Variants in VIPR2 observed in about 807,000 individuals in gnomAD.
VIPR2 encodes the protein vasoactive intestinal peptide receptor 2, also known as vasoactive intestinal polypeptide receptor 2.
In VIPR2, 48 loss-of-function variants were observed where a neutral mutation model predicts 58.0. The observed-to-expected ratio is 0.83, with a 90% CI of 0.66 to 1.05. VIPR2 has a LOEUF of 1.05. Ranked by LOEUF, VIPR2 falls within the 50% of genes least tolerant of loss-of-function variation. The pLI is 0.00. For missense variants in VIPR2, 534 were observed against 558.0 expected, an observed-to-expected ratio of 0.96 and a Z score of 0.43; for synonymous variants, 243 against 235.2, an observed-to-expected ratio of 1.03 and a Z score of -0.30.
At chr7:159,058,255 T>A (rs983559346) in intron 5 of VIPR2, among the ~76,000 whole-genome samples, 2 of 152,250 alleles carry the variant, frequency 1.3e-5, no homozygotes, top group Middle Eastern at 6.3e-3. Context: ...AAATGATAGC[T>A]GAGCTGAGTT....
chr7:159,046,429 G>A (rs1174012531), intron 5 of VIPR2, among the ~76,000 whole-genome samples: 1 of 152,326 alleles, frequency 6.6e-6, no homozygotes, highest in Admixed American at 6.5e-5. Flanking sequence ...AAAACATTAT[G>A]CTAAGTAAAG....
intron 2 of VIPR2, among the ~76,000 whole-genome samples, chr7:159,134,455 C>A (rs1210797721): frequency 6.6e-6 from 1 of 151,958 alleles, no homozygotes. Flanking sequence ...AGCAAGATGA[C>A]TGATTGTTCC....
At chr7:159,032,145 G>GGGGGCAGCTGGGTGTGGGA in intron 10 of VIPR2, 78 bp from the exon 11 acceptor site, 1 of 1,572,030 alleles carries the variant, frequency 6.4e-7, no homozygotes, top group South Asian at 1.2e-5. Flanking sequence ...CTTCTCAGGA[G>GGGGGCAGCTGGGTGTGGGA]GGGGCAGCTG....
chr7:159,133,145 C>T (rs1797047695), intron 2 of VIPR2, among the ~76,000 whole-genome samples: 1 of 152,312 alleles, frequency 6.6e-6, no homozygotes, highest in Non-Finnish European at 1.5e-5. Context: ...CAAATTAAAT[C>T]CTCCACTGAG....
chr7:159,056,558 C>A (rs997726163), intron 5 of VIPR2, among the ~76,000 whole-genome samples: 1 of 152,096 alleles, frequency 6.6e-6, no homozygotes, highest in Non-Finnish European at 1.5e-5. Context: ...GGATGACTCC[C>A]CTACAAAGCT....
intron 2 of VIPR2, among the ~76,000 whole-genome samples, chr7:159,117,626 A>G (rs115520878): frequency 0.013 from 2,051 of 152,194 alleles, 40 homozygotes; most frequent in African/African-American, 0.046. Flanking sequence ...AGATCTTCCC[A>G]TGGTTCCCCC....
chr7:159,080,369 C>A (rs1447943442), intron 4 of VIPR2, among the ~76,000 whole-genome samples: 1 of 152,180 alleles, frequency 6.6e-6, no homozygotes, highest in Non-Finnish European at 1.5e-5. Context: ...ACAAAAACCA[C>A]ATGATTATCT....
chr7:159,041,723 G>A (rs1854354118), intron 6 of VIPR2, among the ~76,000 whole-genome samples: 1 of 152,154 alleles, frequency 6.6e-6, no homozygotes, highest in Non-Finnish European at 1.5e-5. Flanking sequence ...GACGTCATGG[G>A]TCCGTTGAGG....
chr7:159,104,672 T>C (rs1858537905), intron 3 of VIPR2, among the ~76,000 whole-genome samples: 1 of 131,628 alleles, frequency 7.6e-6, no homozygotes, highest in Admixed American at 7.6e-5. Flanking sequence ...ACACCCTCCC[T>C]CCTCCTGACA....
intron 4 of VIPR2, among the ~76,000 whole-genome samples, chr7:159,075,125 A>C (rs149067472): frequency 1.4e-4 from 22 of 152,244 alleles, no homozygotes; most frequent in Non-Finnish European, 3.2e-4. Flanking sequence ...TGCTTTTGAA[A>C]AGTTTAGGAT....
rs528325609 is a variant in VIPR2 at position 159,098,771 on chromosome 7, C to T, written c.357+4986G>A. Among the ~76,000 whole-genome samples the T allele has an allele frequency of 3.7e-4, 57 of 152,298 alleles. No individual in the cohort carries two copies. The highest frequency in any genetic ancestry group is 1.2e-3 in the African/African-American group (48 of 41,554). On this transcript the variant is annotated intron_variant, in intron 4 of 12. Transcript: ENST00000262178. The surrounding 1 kb of genome is among the most constrained non-coding windows in gnomAD (Gnocchi z 5.2). ...TTTTTTTCTCGAATTTAATTAATTT[C>T]GAAAACAATAAACAATAATGATTGC...
chr7:159,068,107 C>T (rs1356008637), intron 4 of VIPR2, among the ~76,000 whole-genome samples: 2 of 152,200 alleles, frequency 1.3e-5, no homozygotes, highest in Non-Finnish European at 2.9e-5. Flanking sequence ...GGTGTGTTTA[C>T]TGAAAATATC....
At chr7:159,138,256 G>A (rs1344805374) in intron 2 of VIPR2, among the ~76,000 whole-genome samples, 1 of 152,218 alleles carries the variant, frequency 6.6e-6, no homozygotes, top group East Asian at 1.9e-4. Flanking sequence ...ACACTGTCTG[G>A]TTTCCTCTGA....
chr7:159,114,794 GA>G (rs1419439522), intron 2 of VIPR2, among the ~76,000 whole-genome samples: 2 of 113,492 alleles, frequency 1.8e-5, no homozygotes, highest in Non-Finnish European at 3.5e-5. Flanking sequence ...AAAGAGGAAA[GA>G]AAGAATAGAA....
intron 5 of VIPR2, among the ~76,000 whole-genome samples, chr7:159,053,480 G>T (rs1056347842): frequency 6.6e-6 from 1 of 152,304 alleles, no homozygotes; most frequent in South Asian, 2.1e-4. Flanking sequence ...ACGATGTCCT[G>T]TCTATCCAAG....
At chr7:159,109,683 G>C (rs1032320201) in intron 3 of VIPR2, 129 bp downstream of exon 3, 1 of 838,596 alleles carries the variant, frequency 1.2e-6, no homozygotes, top group African/African-American at 1.7e-5. Context: ...TGCCACAGCT[G>C]TTCCCTGACC....
chr7:159,036,701 G>A (rs1235926429), intron 7 of VIPR2, 51 bp downstream of exon 7: 1 of 1,567,976 alleles, frequency 6.4e-7, no homozygotes, highest in Admixed American at 1.8e-5. Flanking sequence ...TGCGTTGTTT[G>A]GTCCGATGGG....
intron 3 of VIPR2, among the ~76,000 whole-genome samples, chr7:159,108,997 C>T (rs1795884575): frequency 6.6e-6 from 1 of 152,224 alleles, no homozygotes; most frequent in Non-Finnish European, 1.5e-5. Context: ...TCCTTCTCCT[C>T]TGTCCCAATC....
chr7:159,123,896 T>C (rs1796562797), intron 2 of VIPR2, among the ~76,000 whole-genome samples: 1 of 152,258 alleles, frequency 6.6e-6, no homozygotes, highest in Non-Finnish European at 1.5e-5. Context: ...ATTTCTCTAA[T>C]GTTCAGTGAT....
Sources: allele counts gnomAD v4.1 joint callset (sites outside exome capture counted in the v4.1 genomes callset), GRCh38; gene constraint gnomAD v4.1.1; non-coding constraint Gnocchi (gnomAD v3.1); transcripts MANE v1.5; gene names NCBI Gene and HGNC (gene_info 2026-07-23, HGNC 2026-07-21).